The following TNKS2 variants were observed in gnomAD, a reference collection of about 807,000 sequenced individuals.
TNKS2 encodes the protein tankyrase 2.
TNKS2 carries 72 observed loss-of-function variants against 137.6 expected under a neutral mutation model. That is an observed-to-expected ratio of 0.52 (90% CI 0.43 to 0.64). TNKS2 has a LOEUF of 0.64. Among genes scored for constraint, TNKS2 ranks in the 30% least tolerant of loss-of-function variants. TNKS2 has a pLI of 0.00. For synonymous variants in TNKS2, 516 were observed against 512.1 expected (o/e 1.01, Z -0.10); for missense variants, 1,049 against 1,410.2 (o/e 0.74, Z 4.10).
intron 20 of TNKS2, 126 bp downstream of exon 20, chr10:91,849,720 C>A: frequency 1.5e-6 from 1 of 671,676 alleles, no homozygotes; most frequent in Non-Finnish European, 2.3e-6. Context: ...GAAATGACAT[C>A]AGTCAGCCTT....
In TNKS2 at chr10:91,822,299, T is replaced by C. The variant is rs202102264; in HGVS notation, c.732T>C (p.Asp244=). ...TTTCCCCCCCTTCTCATTGTAGTGATCTGGTACCATTACACAATGCCTGTT... is the reference window on the plus strand; with the variant it reads ...TTTCCCCCCCTTCTCATTGTAGTGACCTGGTACCATTACACAATGCCTGTT... ...GADVHAKDKG[D]LVPLHNACSY... is the part of the protein sequence containing the mutation. Residue 244 remains aspartate (D), a synonymous_variant, in exon 7 of 27, where the codon GAT becomes GAC. Transcript: ENST00000371627. 289 of 1,612,824 alleles carry C rather than the reference T, an allele frequency of 1.8e-4. No homozygotes were observed. The highest frequency in any genetic ancestry group is 2.3e-4 in the Non-Finnish European group (271 of 1,179,312).
At chr10:91,847,489 CGAGT>C (rs528791181) in intron 18 of TNKS2, among the ~76,000 whole-genome samples, 300 of 152,170 alleles carry the variant, frequency 2.0e-3, no homozygotes, top group Non-Finnish European at 3.6e-3. Flanking sequence ...CTCAGCCTCC[CGAGT>C]AGCTGGAATT....
chr10:91,830,978 TAAGAA>T lies in TNKS2; in HGVS notation c.1164_1168del (p.Lys389SerfsTer5). 1 of 1,612,406 alleles carries T rather than the reference TAAGAA, an allele frequency of 6.2e-7. No individual in the cohort carries two copies. The highest frequency in any genetic ancestry group is 1.1e-5 in the South Asian group (1 of 90,980). Reference sequence around the variant, plus strand: ...AGAAAGCAAATATGTGAACTGTTGCTAAGAAAAGGAGCAAACATCAATGAAAAGAC... The same window carrying T: ...AGAAAGCAAATATGTGAACTGTTGCTAAGGAGCAAACATCAATGAAAAGAC... On this transcript the variant is annotated frameshift_variant, in exon 10 of 27. Coordinates refer to ENST00000371627, the MANE Select transcript of TNKS2 (RefSeq NM_025235.4). LOFTEE classifies it high-confidence loss of function.
chr10:91,821,700 T>G (rs186503958), intron 6 of TNKS2, among the ~76,000 whole-genome samples: 1 of 152,120 alleles, frequency 6.6e-6, no homozygotes, highest in Non-Finnish European at 1.5e-5. Flanking sequence ...AAAAAAGTTT[T>G]AAAAATGAGC....
intron 7 of TNKS2, among the ~76,000 whole-genome samples, chr10:91,826,324 G>T (rs138931975): frequency 6.0e-4 from 91 of 152,250 alleles, no homozygotes; most frequent in Non-Finnish European, 1.2e-3. Context: ...CAGGTTTTCA[G>T]ATGAGAGATA....
intron 1 of TNKS2, among the ~76,000 whole-genome samples, chr10:91,804,444 G>A (rs1188997032): frequency 2.0e-5 from 3 of 152,222 alleles, no homozygotes; most frequent in African/African-American, 7.2e-5. Context: ...GTAGAACAGT[G>A]TTTGAAGTTG....
At chr10:91,856,096 A>G (rs1342121876) in intron 23 of TNKS2, among the ~76,000 whole-genome samples, 1 of 152,108 alleles carries the variant, frequency 6.6e-6, no homozygotes, top group African/African-American at 2.4e-5. Context: ...AAAGTCCCCA[A>G]ATATATTATC....
chr10:91,819,035 C>G, intron 3 of TNKS2, among the ~76,000 whole-genome samples: 1 of 151,944 alleles, frequency 6.6e-6, no homozygotes, highest in African/African-American at 2.4e-5. Context: ...TTGAGGTTGC[C>G]TTTCATTATA....
At chr10:91,852,995 T>C (rs896435162) in intron 21 of TNKS2, among the ~76,000 whole-genome samples, 21 of 152,204 alleles carry the variant, frequency 1.4e-4, no homozygotes, top group African/African-American at 4.8e-4. Flanking sequence ...GAAATATTAG[T>C]ATACAATATA....
chr10:91,811,697 A>AT (rs1240660846), intron 1 of TNKS2, among the ~76,000 whole-genome samples: 1 of 152,098 alleles, frequency 6.6e-6, no homozygotes, highest in African/African-American at 2.4e-5. Flanking sequence ...AGACTGTACC[A>AT]TTACTTTCTT....
rs1411883122 is a variant in TNKS2 at position 91,844,878 on chromosome 10, GAAA to G, written c.2060-37_2060-35del. ...AGTATTATGACATAGGACTAAAAAA[GAAA>G]AAACAAGTAAAGTAATTTTACTTCT... On this transcript the variant is annotated intron_variant, in intron 16 of 26. Coordinates refer to ENST00000371627, the MANE Select transcript of TNKS2 (RefSeq NM_025235.4). The G allele has an allele frequency of 3.5e-6, 5 of 1,442,642 alleles. No homozygotes were observed. The African/African-American group carries it at 5.7e-5, about 16-fold the overall frequency. The allele number at this position is 1,442,642 out of a possible 1,614,324, so 89.4% of individuals were successfully genotyped here.
chr10:91,861,040 C>T (rs760241081), intron 25 of TNKS2, among the ~76,000 whole-genome samples: 1 of 152,072 alleles, frequency 6.6e-6, no homozygotes, highest in Non-Finnish European at 1.5e-5. Context: ...GAAACAATGA[C>T]GTTAATACTA....
chr10:91,842,297 G>A lies in TNKS2; in HGVS notation c.1965G>A (p.Lys655=). 1 of 1,614,120 alleles carries A rather than the reference G, an allele frequency of 6.2e-7. No individual in the cohort carries two copies. The highest frequency in any genetic ancestry group is 1.3e-5 in the African/African-American group (1 of 75,032). The change falls in exon 16 of 27, where the codon AAG becomes AAA. Residue 655 remains lysine (K), a synonymous_variant. Transcript: ENST00000371627. The part of the protein sequence containing the change: ...GDAALLDAAK[K]GCLARVKKLS... The stretch of plus-strand genomic sequence containing the variant: ...CAGCTTTGCTAGATGCTGCCAAGAA[G>A]GGTTGTTTAGCCAGAGTGAAGAAGT...
chr10:91,827,128 C>T lies in TNKS2; in HGVS notation c.907C>T (p.Pro303Ser). The T allele has an allele frequency of 6.2e-7, 1 of 1,609,304 alleles. No individual in the cohort carries two copies. The highest frequency in any genetic ancestry group is 8.5e-7 in the Non-Finnish European group (1 of 1,177,616). ...TCTTCTCTTAAGTTATGGTGCAGAC[C>T]CAACACTGCTCAATTGTCACAATAA... ...CSLLLSYGAD[P>S]TLLNCHNKSA... Residue 303 changes from proline to serine, a missense_variant, in exon 8 of 27, where the codon CCA (proline) becomes TCA (serine). Pro to Ser is a moderately conservative substitution (Grantham distance 74). Transcript: ENST00000371627.
At chr10:91,852,339 C>T (rs1016852628) in intron 21 of TNKS2, among the ~76,000 whole-genome samples, 25 of 151,726 alleles carry the variant, frequency 1.6e-4, no homozygotes, top group Non-Finnish European at 3.4e-4. Flanking sequence ...GGGCAGATCA[C>T]GAGGTCAGGA....
chr10:91,824,871 G>A (rs1304743612), intron 7 of TNKS2, among the ~76,000 whole-genome samples: 1 of 152,052 alleles, frequency 6.6e-6, no homozygotes, highest in African/African-American at 2.4e-5. Flanking sequence ...ATACTTTGGT[G>A]TTTACTTCTT....
At position 91,799,564 on chromosome 10, in the gene TNKS2, G is replaced by T. The variant is rs1444910317; in HGVS notation, c.199+675G>T. On this transcript the variant is annotated intron_variant, in intron 1 of 26. Transcript: ENST00000371627. ...GAGAAAAGATAGTGCAAGTACTTTA[G>T]CTTGAATCTAGAATTTAAGTTGGGA... Among the ~76,000 whole-genome samples the T allele has an allele frequency of 2.6e-5, 4 of 152,200 alleles. No homozygotes were observed. In the East Asian group the frequency reaches 7.7e-4, roughly 29 times the overall value.
intron 2 of TNKS2, among the ~76,000 whole-genome samples, chr10:91,814,833 C>T (rs1844627860): frequency 6.6e-6 from 1 of 152,150 alleles, no homozygotes; most frequent in Non-Finnish European, 1.5e-5. Flanking sequence ...ACGGACTCAC[C>T]TACCAATGCA....
At chr10:91,846,754 A>C (rs1842388186) in intron 18 of TNKS2, among the ~76,000 whole-genome samples, 1 of 151,432 alleles carries the variant, frequency 6.6e-6, no homozygotes, top group Admixed American at 6.6e-5. Flanking sequence ...CAGTCAGCTA[A>C]CAACCCAGCC....
Sources: allele counts gnomAD v4.1 joint callset (sites outside exome capture counted in the v4.1 genomes callset), GRCh38; gene constraint gnomAD v4.1.1; transcripts MANE v1.5; gene names NCBI Gene and HGNC (gene_info 2026-07-23, HGNC 2026-07-21).